KIF26B: variants seen among roughly 807,000 people sequenced by gnomAD.
KIF26B encodes the protein kinesin family member 26B.
Under a neutral mutation model 151.2 loss-of-function variants are expected in KIF26B, and 63 were observed. The ratio of observed to expected loss-of-function variants is 0.42; its 90% CI spans 0.34 to 0.51. KIF26B has a LOEUF of 0.51. Ranked by LOEUF, KIF26B falls within the 20% of genes least tolerant of loss-of-function variation. KIF26B has a pLI of 0.07. For missense variants in KIF26B, 2,813 were observed against 2,913.6 expected, an observed-to-expected ratio of 0.97 and a Z score of 0.79; for synonymous variants, 1,357 against 1,262.1, an observed-to-expected ratio of 1.08 and a Z score of -1.59.
At chr1:245,672,671 T>C (rs2044303022) in intron 10 of KIF26B, among the ~76,000 whole-genome samples, 1 of 152,062 alleles carries the variant, frequency 6.6e-6, no homozygotes, top group South Asian at 2.1e-4. Flanking sequence ...TCTATTTTAT[T>C]TGGATAGAGA....
chr1:245,363,007 GC>G (rs1431894346), intron 2 of KIF26B, among the ~76,000 whole-genome samples: 1 of 152,154 alleles, frequency 6.6e-6, no homozygotes, highest in Non-Finnish European at 1.5e-5. Flanking sequence ...ATGGATCAGA[GC>G]TAGGTGATAC....
At chr1:245,595,475 G>A (rs183636055) in intron 5 of KIF26B, among the ~76,000 whole-genome samples, 13 of 152,240 alleles carry the variant, frequency 8.5e-5, no homozygotes, top group African/African-American at 1.4e-4. Context: ...ATTGATTTGC[G>A]TATGTTGAAC....
chr1:245,165,542 A>G (rs1668601523), intron 2 of KIF26B, among the ~76,000 whole-genome samples: 1 of 152,116 alleles, frequency 6.6e-6, no homozygotes, highest in South Asian at 2.1e-4. Flanking sequence ...CAGCGTAGAG[A>G]AGGTGATGGA....
intron 2 of KIF26B, among the ~76,000 whole-genome samples, chr1:245,323,047 A>G (rs1671918632): frequency 6.6e-6 from 1 of 152,222 alleles, no homozygotes; most frequent in Non-Finnish European, 1.5e-5. Context: ...GGTTACACAG[A>G]CTGAGAGTTT....
In KIF26B at chr1:245,688,475, C is replaced by G. The variant is rs777145866; in HGVS notation, c.5492C>G (p.Ala1831Gly). 54 of 1,379,714 alleles carry G rather than the reference C, an allele frequency of 3.9e-5. 2 individuals are homozygous for G. The South Asian group carries it at 8.3e-4, about 21-fold the overall frequency. 85.5% of individuals were successfully genotyped at this position (1,379,714 alleles called of 1,614,324 possible). A position where few individuals can be genotyped will look rare whatever the true frequency, so the allele number is the denominator to read the frequency against. Reference protein sequence around the residue: ...LQLRAGPEAEARGGALAEDEP... With the variant: ...LQLRAGPEAEGRGGALAEDEP... ...CTGCGGGCCGGGCCCGAGGCGGAGG[C>G]GCGCGGGGGGGCCCTGGCCGAGGAC... Residue 1831 changes from alanine to glycine, a missense_variant, in exon 12 of 15, where the codon GCG (alanine) becomes GGG (glycine). Ala to Gly is a moderately conservative substitution (Grantham distance 60). This residue lies in a region of KIF26B where 2,060 missense variants were observed against 2,088.6 expected (regional missense o/e 0.99). Coordinates refer to ENST00000407071, the MANE Select transcript of KIF26B (RefSeq NM_018012.4).
chr1:245,221,142 C>T (rs1321030294), intron 2 of KIF26B, among the ~76,000 whole-genome samples: 2 of 151,898 alleles, frequency 1.3e-5, no homozygotes, highest in African/African-American at 2.4e-5. Context: ...TCTCCCTCTC[C>T]AATCTTAAGA....
chr1:245,245,094 A>G (rs1329623268), intron 2 of KIF26B, among the ~76,000 whole-genome samples: 1 of 152,212 alleles, frequency 6.6e-6, no homozygotes, highest in Non-Finnish European at 1.5e-5. Flanking sequence ...TGAAACACTC[A>G]GAAGAAAAAA....
At chr1:245,625,942 T>C (rs2103167760) in intron 9 of KIF26B, among the ~76,000 whole-genome samples, 1 of 152,322 alleles carries the variant, frequency 6.6e-6, no homozygotes, top group Non-Finnish European at 1.5e-5. Context: ...CTTAACATAA[T>C]GACATCCAGT....
Position 245,170,333 on chromosome 1 carries a change from A to G in KIF26B, c.465+13650A>G, listed in dbSNP as rs773793579. On this transcript the variant is annotated intron_variant, in intron 2 of 14. Coordinates refer to ENST00000407071, the MANE Select transcript of KIF26B (RefSeq NM_018012.4). This position sits in a 1 kb window ranked among gnomAD's most constrained non-coding sequence, Gnocchi z 4.4. Reference sequence around the variant, plus strand: ...GGGTCCTTGCATTTCTTGTCAGTCAATACGTCCTTGTTTTGGCTAAGTCTC... The same window carrying G: ...GGGTCCTTGCATTTCTTGTCAGTCAGTACGTCCTTGTTTTGGCTAAGTCTC... Among the ~76,000 whole-genome samples the G allele has an allele frequency of 3.9e-5, 6 of 152,258 alleles. No homozygotes were observed. The highest frequency in any genetic ancestry group is 3.9e-4 in the East Asian group (2 of 5,178).
intron 3 of KIF26B, among the ~76,000 whole-genome samples, chr1:245,411,694 A>C (rs1674288372): frequency 6.6e-6 from 1 of 151,796 alleles, no homozygotes; most frequent in Admixed American, 6.6e-5. Context: ...GTTCTTGGAG[A>C]CCCCTCTGCC....
chr1:245,308,883 G>A (rs1012621218), intron 2 of KIF26B, among the ~76,000 whole-genome samples: 2 of 152,188 alleles, frequency 1.3e-5, no homozygotes, highest in African/African-American at 2.4e-5. Context: ...CATTAGGCAC[G>A]AAGCTCGGGC....
At position 245,702,408 on chromosome 1, in the gene KIF26B, T is replaced by G; in HGVS notation, c.6179-50T>G. 2.5e-6 allele frequency: 4 copies of G among 1,608,212 alleles called. No individual in the cohort carries two copies. The highest frequency in any genetic ancestry group is 3.4e-6 in the Non-Finnish European group (4 of 1,175,752). ...TCCAGGCTGAGCCGTCGGGAGTTGC[T>G]TCTCACCCTGTTTGCTCTGCGTCTC... On this transcript the variant is annotated intron_variant, in intron 14 of 14. Coordinates refer to ENST00000407071, the MANE Select transcript of KIF26B (RefSeq NM_018012.4). The surrounding 1 kb of genome is among the most constrained non-coding windows in gnomAD (Gnocchi z 4.1).
At chr1:245,288,407 G>A (rs925743204) in intron 2 of KIF26B, among the ~76,000 whole-genome samples, 2 of 152,166 alleles carry the variant, frequency 1.3e-5, no homozygotes, top group Non-Finnish European at 2.9e-5. Context: ...CCCATTTAAC[G>A]ATCAGTTCTA....
At chr1:245,592,482 A>T (rs2043299271) in intron 5 of KIF26B, among the ~76,000 whole-genome samples, 1 of 152,234 alleles carries the variant, frequency 6.6e-6, no homozygotes, top group Non-Finnish European at 1.5e-5. Flanking sequence ...CAAAGCAGTT[A>T]TGGGGCAACC....
At chr1:245,274,808 A>G (rs931794298) in intron 2 of KIF26B, among the ~76,000 whole-genome samples, 2 of 150,936 alleles carry the variant, frequency 1.3e-5, no homozygotes, top group Non-Finnish European at 3.0e-5. Context: ...TCTTTATAGT[A>G]GAATGATTTA....
chr1:245,647,465 T>G (rs965155493), intron 10 of KIF26B, among the ~76,000 whole-genome samples: 5 of 150,742 alleles, frequency 3.3e-5, no homozygotes, highest in African/African-American at 1.2e-4. Context: ...AAATTTATTG[T>G]AGAATTTAGG....
At chr1:245,243,874 GAAAGA>G (rs1670259915) in intron 2 of KIF26B, among the ~76,000 whole-genome samples, 1 of 15,398 alleles carries the variant, frequency 6.5e-5, no homozygotes, top group Admixed American at 1.3e-3. Context: ...AGAAGAAAAA[GAAAGA>G]AAGGAAAGGA....
chr1:245,417,470 G>A (rs1271948964), intron 3 of KIF26B, among the ~76,000 whole-genome samples: 1 of 152,060 alleles, frequency 6.6e-6, no homozygotes, highest in African/African-American at 2.4e-5. Flanking sequence ...TGATGATGTT[G>A]GAAATCCCTT....
At chr1:245,421,826 G>A (rs1658494598) in intron 4 of KIF26B, among the ~76,000 whole-genome samples, 1 of 152,078 alleles carries the variant, frequency 6.6e-6, no homozygotes. Context: ...AAATGAGGGG[G>A]GCCTGGGAAC....
Sources: allele counts gnomAD v4.1 joint callset (sites outside exome capture counted in the v4.1 genomes callset), GRCh38; gene constraint gnomAD v4.1.1; regional missense constraint gnomAD v4.1.1; non-coding constraint Gnocchi (gnomAD v3.1); transcripts MANE v1.5; gene names NCBI Gene and HGNC (gene_info 2026-07-23, HGNC 2026-07-21).